Variants in EIF4G3 observed in about 807,000 individuals in gnomAD.
EIF4G3 encodes eIF-4-gamma 3.
A neutral mutation model predicts 186.4 loss-of-function variants in EIF4G3; 34 were observed. The observed-to-expected ratio is 0.18, with a 90% CI of 0.14 to 0.24. The LOEUF is 0.24. Ranked by LOEUF, EIF4G3 falls within the 10% of genes least tolerant of loss-of-function variation. The probability of loss-of-function intolerance (pLI) is 1.00; values close to 1 mark genes in which losing one functional copy is unlikely to be tolerated. For missense variants in EIF4G3, 1,536 were observed against 1,948.5 expected (o/e 0.79, Z 3.99); for synonymous variants, 673 against 679.5 (o/e 0.99, Z 0.15).
chr1:21,130,666 T>C (rs1305595100), intron 2 of EIF4G3, among the ~76,000 whole-genome samples: 1 of 151,972 alleles, frequency 6.6e-6, no homozygotes, highest in East Asian at 1.9e-4. Context: ...GAGACACACA[T>C]ATAGAAAAAA....
At chr1:21,115,121 C>T (rs1414368241) in intron 2 of EIF4G3, among the ~76,000 whole-genome samples, 1 of 152,082 alleles carries the variant, frequency 6.6e-6, no homozygotes, top group East Asian at 1.9e-4. Flanking sequence ...CTGGAGCAGC[C>T]CTTTTAATTT....
At chr1:20,812,888 A>C (rs143902729) in intron 35 of EIF4G3, among the ~76,000 whole-genome samples, 1 of 152,336 alleles carries the variant, frequency 6.6e-6, no homozygotes, top group African/African-American at 2.4e-5. Flanking sequence ...TGAAAAGATA[A>C]AGAAAAAGCT....
At chr1:21,131,044 A>G (rs2097142558) in intron 2 of EIF4G3, among the ~76,000 whole-genome samples, 2 of 152,024 alleles carry the variant, frequency 1.3e-5, no homozygotes. Context: ...GTTCAAGACC[A>G]GGCTGGCCAA....
At chr1:21,018,095 T>C (rs552622590) in intron 4 of EIF4G3, among the ~76,000 whole-genome samples, 1 of 151,160 alleles carries the variant, frequency 6.6e-6, no homozygotes, top group Non-Finnish European at 1.5e-5. Flanking sequence ...TGTGCCACCA[T>C]GCCCAGTAAT....
chr1:21,096,605 AT>A (rs1247657838), intron 2 of EIF4G3, among the ~76,000 whole-genome samples: 2 of 152,238 alleles, frequency 1.3e-5, no homozygotes, highest in African/African-American at 4.8e-5. Flanking sequence ...AACCACTCAA[AT>A]GGCCTTGATA....
chr1:21,076,417 G>A (rs964760264), intron 3 of EIF4G3, among the ~76,000 whole-genome samples: 1 of 151,992 alleles, frequency 6.6e-6, no homozygotes, highest in Non-Finnish European at 1.5e-5. Context: ...CAAAAGCAAA[G>A]CAGCAGAAAA....
intron 3 of EIF4G3, among the ~76,000 whole-genome samples, chr1:21,080,760 A>G (rs2095752024): frequency 6.6e-6 from 1 of 152,138 alleles, no homozygotes; most frequent in Non-Finnish European, 1.5e-5. Context: ...TGCCCACCTC[A>G]GCCTCCCAAA....
At chr1:21,087,269 A>C (rs568863660) in intron 3 of EIF4G3, among the ~76,000 whole-genome samples, 1 of 152,346 alleles carries the variant, frequency 6.6e-6, no homozygotes, top group African/African-American at 2.4e-5. Flanking sequence ...CCTTAGGTTC[A>C]CTGTAAAACA....
At chr1:21,053,521 G>A in intron 3 of EIF4G3, among the ~76,000 whole-genome samples, 1 of 142,732 alleles carries the variant, frequency 7.0e-6, no homozygotes, top group Admixed American at 6.8e-5. Context: ...TGCCCGGCCA[G>A]CCGCCCCGTC....
At chr1:21,138,834 T>A (rs1389471077) in intron 2 of EIF4G3, among the ~76,000 whole-genome samples, 2 of 151,964 alleles carry the variant, frequency 1.3e-5, no homozygotes, top group African/African-American at 4.8e-5. Flanking sequence ...AAAAATCACT[T>A]CCTCATGGAA....
At chr1:21,042,062 C>T (rs1398337786) in intron 4 of EIF4G3, among the ~76,000 whole-genome samples, 2 of 151,736 alleles carry the variant, frequency 1.3e-5, no homozygotes, top group African/African-American at 4.8e-5. Flanking sequence ...GCATGGCTCA[C>T]TGCAGCCTTG....
At chr1:21,139,378 C>T (rs1453927767) in intron 2 of EIF4G3, among the ~76,000 whole-genome samples, 1 of 152,070 alleles carries the variant, frequency 6.6e-6, no homozygotes, top group African/African-American at 2.4e-5. Flanking sequence ...TCGCTTGAGG[C>T]CACGAGTTTG....
intron 4 of EIF4G3, among the ~76,000 whole-genome samples, chr1:21,038,414 G>C (rs1341563082): frequency 6.6e-6 from 1 of 152,098 alleles, no homozygotes; most frequent in Admixed American, 6.5e-5. Context: ...CTGCTATTTA[G>C]GACCCTCTCT....
chr1:20,995,654 G>C (rs1436577086), intron 7 of EIF4G3, among the ~76,000 whole-genome samples: 3 of 152,160 alleles, frequency 2.0e-5, no homozygotes, highest in African/African-American at 7.2e-5. Context: ...TTACAGGTTT[G>C]AGCAACCGTA....
At position 20,899,796 on chromosome 1, in the gene EIF4G3, G is replaced by A. The variant is rs760373741; in HGVS notation, c.1900C>T (p.Arg634Cys). 1.5e-5 allele frequency: 25 copies of A among 1,614,052 alleles called. No homozygotes were observed. The highest frequency in any genetic ancestry group is 3.3e-5 in the Admixed American group (2 of 60,014). ...TCAGAAACACTCTCAGCACCATTAC[G>A]TACTGGCTCAGCTTCTTCTCCATTT... ...EENGEEAEPV[R>C]NGAESVSEGE... The change falls in exon 16 of 37, where the codon CGT (arginine) becomes TGT (cysteine). Residue 634 changes from arginine to cysteine, a missense_variant. Arg to Cys is a radical substitution (Grantham distance 180). Transcript: ENST00000602326.
At chr1:21,007,009 A>T (rs545750737) in intron 4 of EIF4G3, among the ~76,000 whole-genome samples, 122 of 152,312 alleles carry the variant, frequency 8.0e-4, no homozygotes, top group Non-Finnish European at 1.2e-3. Context: ...CATCACCTAA[A>T]CTAAATTCAG....
At chr1:21,001,082 C>A in intron 6 of EIF4G3, 117 bp downstream of exon 6, 1 of 411,234 alleles carries the variant, frequency 2.4e-6, no homozygotes, top group Non-Finnish European at 5.0e-6. Context: ...GTTAGACTTT[C>A]AGAGAGGAAG....
intron 14 of EIF4G3, among the ~76,000 whole-genome samples, chr1:20,907,127 A>G (rs1168924234): frequency 6.6e-6 from 1 of 152,152 alleles, no homozygotes; most frequent in Non-Finnish European, 1.5e-5. Flanking sequence ...GAATTTGTTG[A>G]CTGAACAAAT....
intron 4 of EIF4G3, among the ~76,000 whole-genome samples, chr1:21,021,662 T>C (rs1285095244): frequency 6.6e-6 from 1 of 152,144 alleles, no homozygotes; most frequent in Non-Finnish European, 1.5e-5. Context: ...TTCAAGCGAT[T>C]CTCCTACCTC....
Sources: gnomAD v4.1 joint callset for allele counts (sites outside exome capture counted in the v4.1 genomes callset) on GRCh38, gnomAD v4.1.1 for gene constraint, MANE v1.5 for transcripts, NCBI Gene and HGNC (gene_info 2026-07-23, HGNC 2026-07-21) for gene names.